Variants in DYNC2LI1 observed in about 807,000 individuals in gnomAD.
DYNC2LI1 encodes cytoplasmic dynein 2 light intermediate chain 1.
Under a neutral mutation model 51.9 loss-of-function variants are expected in DYNC2LI1, and 45 were observed. The observed-to-expected ratio is 0.87, with a 90% CI of 0.68 to 1.11. DYNC2LI1 has a LOEUF of 1.11. DYNC2LI1 is among the 50% of genes most tolerant of loss of function. The pLI is 0.00. For synonymous variants in DYNC2LI1, 130 were observed against 137.8 expected (o/e 0.94, Z 0.40); for missense variants, 490 against 417.4 (o/e 1.17, Z -1.51).
chr2:43,803,965 T>C (rs1666155167), intron 10 of DYNC2LI1, among the ~76,000 whole-genome samples: 1 of 152,218 alleles, frequency 6.6e-6, no homozygotes, highest in Admixed American at 6.5e-5. Flanking sequence ...AGGAGCAAAT[T>C]TGTGTTCTTT....
the DYNC2LI1 span, chr2:43,822,476 AGG>A: frequency 2.0e-4 from 59 of 298,804 alleles, no homozygotes; most frequent in African/African-American, 2.2e-4. Context: ...CCCCTCCCCC[AGG>A]CCCCCCCCCA....
the DYNC2LI1 span, chr2:43,823,020 G>C: frequency 6.4e-7 from 1 of 1,562,610 alleles, no homozygotes; most frequent in Non-Finnish European, 8.7e-7. Flanking sequence ...TGTGAGGTCT[G>C]TCAGGGCTGG....
chr2:43,808,835 T>TG (rs1666370649), intron 12 of DYNC2LI1, among the ~76,000 whole-genome samples: 1 of 152,204 alleles, frequency 6.6e-6, no homozygotes, highest in Non-Finnish European at 1.5e-5. Flanking sequence ...CAGTCCTTAC[T>TG]GGGGGACATC....
At chr2:43,805,289 C>A (rs1326039960) in intron 12 of DYNC2LI1, 43 bp downstream of exon 12, 2 of 1,325,836 alleles carry the variant, frequency 1.5e-6, no homozygotes, top group African/African-American at 1.5e-5. Context: ...GAAATTTTAA[C>A]ACAAAACCTG....
intron 9 of DYNC2LI1, 84 bp downstream of exon 9, chr2:43,801,001 C>T: frequency 1.3e-6 from 1 of 764,296 alleles, no homozygotes; most frequent in Non-Finnish European, 1.9e-6. Context: ...TCTACTCAGT[C>T]TCTTGTGTCT....
intron 2 of DYNC2LI1, 59 bp downstream of exon 2, chr2:43,776,958 G>A: frequency 1.1e-6 from 1 of 882,678 alleles, no homozygotes; most frequent in Non-Finnish European, 1.8e-6. Context: ...TAAAATATCT[G>A]TTAATACTTT....
At chr2:43,808,860 T>A (rs548029166) in intron 12 of DYNC2LI1, among the ~76,000 whole-genome samples, 1 of 152,242 alleles carries the variant, frequency 6.6e-6, no homozygotes, top group Admixed American at 6.5e-5. Flanking sequence ...TTGTTTCCAG[T>A]TGTGCTGAGA....
chr2:43,791,329 G>T (rs776468343), intron 5 of DYNC2LI1, among the ~76,000 whole-genome samples: 1 of 152,128 alleles, frequency 6.6e-6, no homozygotes, highest in South Asian at 2.1e-4. Flanking sequence ...GTTGGGAGTC[G>T]CCTCCTATTC....
the DYNC2LI1 span, chr2:43,826,489 G>C: frequency 6.8e-6 from 11 of 1,614,148 alleles, no homozygotes; most frequent in Non-Finnish European, 9.3e-6. Flanking sequence ...ATGCAGTCCA[G>C]GCCTGTGGTT....
intron 8 of DYNC2LI1, among the ~76,000 whole-genome samples, chr2:43,797,550 C>A (rs1665924027): frequency 7.7e-6 from 1 of 130,398 alleles, no homozygotes; most frequent in South Asian, 2.6e-4. Context: ...GAGACAGTCT[C>A]ACTCCGTCAC....
Position 43,775,846 on chromosome 2 carries a change from C to T in DYNC2LI1, c.9-936C>T, listed in dbSNP as rs141617425. The T allele has an allele frequency of 9.0e-3, 1,569 of 174,764 alleles. 40 individuals are homozygous for T. Among genetic ancestry groups the T allele is most frequent in the African/African-American group, 0.045 (1,465 of 32,378 alleles). 10.8% of individuals were successfully genotyped at this position (174,764 alleles called of 1,614,324 possible). On this transcript the variant is annotated intron_variant, in intron 1 of 12. Coordinates refer to ENST00000260605, the MANE Select transcript of DYNC2LI1 (RefSeq NM_016008.4). ...GGAGTTACAGACACCCGCCACCACA[C>T]CTGGCCAATTTTTTTTTTTTTTTTT...
At position 43,801,716 on chromosome 2, in the gene DYNC2LI1, G is replaced by T; in HGVS notation, c.802+7G>T. ...GATTCTTTCGGTCAAATAGGTTAGT[G>T]AACTTATTAAGATTGTTCAATCTTT... On this transcript the variant is annotated splice_region_variant and intron_variant, in intron 10 of 12. Coordinates refer to ENST00000260605, the MANE Select transcript of DYNC2LI1 (RefSeq NM_016008.4). 6.3e-7 allele frequency: 1 copy of T among 1,599,592 alleles called. No individual in the cohort carries two copies. The highest frequency in any genetic ancestry group is 1.1e-5 in the South Asian group (1 of 89,466).
chr2:43,810,062 T>A, downstream of DYNC2LI1: 2 of 699,272 alleles, frequency 2.9e-6, no homozygotes, highest in Non-Finnish European at 3.6e-6. Context: ...TCTGCTTATA[T>A]GTTTTTAGGA....
At chr2:43,788,285 G>A (rs891135942) in intron 4 of DYNC2LI1, among the ~76,000 whole-genome samples, 6 of 152,158 alleles carry the variant, frequency 3.9e-5, no homozygotes, top group Admixed American at 3.9e-4. Flanking sequence ...AGAGATTACA[G>A]GATGAAATTT....
At chr2:43,797,515 CTTTTT>C (rs557695536) in intron 8 of DYNC2LI1, among the ~76,000 whole-genome samples, 3 of 110,696 alleles carry the variant, frequency 2.7e-5, no homozygotes, top group Admixed American at 1.1e-4. Flanking sequence ...AATATAACAA[CTTTTT>C]TTTTTTTTTT....
chr2:43,800,501 T>G (rs1047962050), intron 8 of DYNC2LI1, among the ~76,000 whole-genome samples: 1 of 152,160 alleles, frequency 6.6e-6, no homozygotes, highest in Non-Finnish European at 1.5e-5. Context: ...ATAATGAGTA[T>G]GTTTACACAC....
chr2:43,825,057 G>C, the DYNC2LI1 span: 6 of 1,608,822 alleles, frequency 3.7e-6, no homozygotes, highest in South Asian at 6.7e-5. Flanking sequence ...GTGATCACAA[G>C]GGTAGCGATG....
intron 2 of DYNC2LI1, 120 bp downstream of exon 2, chr2:43,777,019 A>G (rs1332735217): frequency 1.9e-6 from 1 of 530,762 alleles, no homozygotes; most frequent in African/African-American, 2.0e-5. Flanking sequence ...AATCTGGTTT[A>G]GCATGAATTA....
the DYNC2LI1 span, chr2:43,828,050 G>A: frequency 6.2e-7 from 1 of 1,614,120 alleles, no homozygotes; most frequent in Non-Finnish European, 8.5e-7. Context: ...TGCCCCCCAA[G>A]CTGTAGTTGC....
Sources: gnomAD v4.1 joint callset for allele counts (sites outside exome capture counted in the v4.1 genomes callset) on GRCh38, gnomAD v4.1.1 for gene constraint, MANE v1.5 for transcripts, NCBI Gene and HGNC (gene_info 2026-07-23, HGNC 2026-07-21) for gene names.